LRRC69: variants seen among roughly 807,000 people sequenced by gnomAD.
LRRC69 encodes the protein leucine-rich repeat-containing protein 69.
In LRRC69, 42 loss-of-function variants were observed where a neutral mutation model predicts 37.8. The ratio of observed to expected loss-of-function variants is 1.11; its 90% CI spans 0.87 to 1.44. The LOEUF (loss-of-function observed/expected upper bound fraction) is 1.44, where lower values mean the gene tolerates loss of function less well. Among genes scored for constraint, LRRC69 ranks in the 40% most tolerant of loss-of-function variants. LRRC69 has a pLI of 0.00. For missense variants in LRRC69, 357 were observed against 401.9 expected (o/e 0.89, Z 0.96); for synonymous variants, 141 against 143.1 (o/e 0.99, Z 0.11).
intron 5 of LRRC69, among the ~76,000 whole-genome samples, chr8:91,149,111 G>T (rs1808679492): frequency 6.6e-6 from 1 of 151,692 alleles, no homozygotes; most frequent in Non-Finnish European, 1.5e-5. Flanking sequence ...GTCAATTTTG[G>T]CTTTTGTTGC....
At chr8:91,159,083 A>G (rs1353048275) in intron 5 of LRRC69, among the ~76,000 whole-genome samples, 2 of 151,252 alleles carry the variant, frequency 1.3e-5, no homozygotes, top group Non-Finnish European at 3.0e-5. Context: ...GTGCTCCTCA[A>G]AGGAACACTA....
chr8:91,124,838 G>A, intron 2 of LRRC69: 1 of 394,246 alleles, frequency 2.5e-6, no homozygotes, highest in Non-Finnish European at 4.4e-6. Context: ...GTAAGCATCA[G>A]TGTTAATGAA....
At chr8:91,106,371 A>T (rs540786813) in intron 1 of LRRC69, among the ~76,000 whole-genome samples, 1 of 152,026 alleles carries the variant, frequency 6.6e-6, no homozygotes, top group Non-Finnish European at 1.5e-5. Flanking sequence ...TTCCCACAGA[A>T]TGCAAAGTAT....
intron 6 of LRRC69, among the ~76,000 whole-genome samples, chr8:91,200,275 A>G (rs1040852928): frequency 3.9e-5 from 6 of 152,200 alleles, no homozygotes; most frequent in African/African-American, 1.4e-4. Context: ...ATGTTTGTAC[A>G]GTTTTTGCTT....
intron 5 of LRRC69, among the ~76,000 whole-genome samples, chr8:91,152,806 A>C (rs777045404): frequency 8.6e-5 from 13 of 151,224 alleles, no homozygotes; most frequent in Non-Finnish European, 1.8e-4. Flanking sequence ...TATTTCCTTG[A>C]GCAGTGGTTT....
At chr8:91,116,703 G>A (rs1813516716) in intron 1 of LRRC69, among the ~76,000 whole-genome samples, 1 of 151,932 alleles carries the variant, frequency 6.6e-6, no homozygotes, top group Non-Finnish European at 1.5e-5. Context: ...TCATAGCCTG[G>A]ACTTCAGATC....
At chr8:91,143,622 G>A (rs1233458675) in intron 5 of LRRC69, among the ~76,000 whole-genome samples, 1 of 151,940 alleles carries the variant, frequency 6.6e-6, no homozygotes, top group Non-Finnish European at 1.5e-5. Flanking sequence ...ATACAATGTT[G>A]TCATGAGAAA....
Position 91,102,847 on chromosome 8 carries a change from G to A in LRRC69, c.183+3G>A, listed in dbSNP as rs917959923. The A allele has an allele frequency of 6.5e-6, 10 of 1,540,634 alleles. No individual in the cohort carries two copies. Among genetic ancestry groups the A allele is most frequent in the Non-Finnish European group, 8.8e-6 (10 of 1,142,706 alleles). On this transcript the variant is annotated splice_donor_region_variant and intron_variant, in intron 1 of 7. Coordinates refer to ENST00000448384, the Ensembl canonical transcript of LRRC69. ...CAGAGTTATGCAACTTGACCCAGGT[G>A]AGGAACAGTGTTTTGCTGTTGTGGT... is the stretch of plus-strand genomic sequence containing the variant.
At chr8:91,155,991 G>T (rs1383626269) in intron 5 of LRRC69, among the ~76,000 whole-genome samples, 3 of 149,548 alleles carry the variant, frequency 2.0e-5, no homozygotes, top group Non-Finnish European at 4.5e-5. Flanking sequence ...GGATACTTAG[G>T]TTGACTACAT....
intron 5 of LRRC69, among the ~76,000 whole-genome samples, chr8:91,144,844 TA>T (rs1396772567): frequency 2.6e-5 from 4 of 151,980 alleles, no homozygotes; most frequent in African/African-American, 9.7e-5. Flanking sequence ...AGTACATAAA[TA>T]TTTTTTGTGC....
chr8:91,108,560 CTAGTCAGAG>C (rs1288901154), intron 1 of LRRC69, among the ~76,000 whole-genome samples: 2 of 151,962 alleles, frequency 1.3e-5, no homozygotes, highest in African/African-American at 4.8e-5. Flanking sequence ...ATGAGAGTCT[CTAGTCAGAG>C]AAGTCAGAGA....
chr8:91,189,589 T>C (rs1390274356), exon 6 of LRRC69: 1 of 1,551,430 alleles, frequency 6.4e-7, no homozygotes, highest in Non-Finnish European at 8.7e-7. Context: ...CAGCCAGTGA[T>C]TTCTACACAG....
At chr8:91,185,018 T>C (rs944726695) in intron 5 of LRRC69, among the ~76,000 whole-genome samples, 4 of 152,014 alleles carry the variant, frequency 2.6e-5, no homozygotes, top group African/African-American at 9.7e-5. Flanking sequence ...ATGATTTGCA[T>C]TGTAAAGCAA....
At chr8:91,173,183 T>C (rs1398712921) in intron 5 of LRRC69, among the ~76,000 whole-genome samples, 2 of 151,932 alleles carry the variant, frequency 1.3e-5, no homozygotes, top group Admixed American at 6.6e-5. Flanking sequence ...GAGTAGGTAG[T>C]CTAGTCCACA....
At chr8:91,161,182 T>C (rs747952723) in intron 5 of LRRC69, among the ~76,000 whole-genome samples, 1 of 151,454 alleles carries the variant, frequency 6.6e-6, no homozygotes, top group Non-Finnish European at 1.5e-5. Context: ...TGATATACTG[T>C]TGGATTCCAT....
chr8:91,176,926 C>T (rs1410295509), intron 5 of LRRC69, among the ~76,000 whole-genome samples: 1 of 151,480 alleles, frequency 6.6e-6, no homozygotes, highest in African/African-American at 2.4e-5. Flanking sequence ...GAAGTTGACA[C>T]ATAAAATTAA....
chr8:91,216,898 C>T (rs1300043179), intron 7 of LRRC69, among the ~76,000 whole-genome samples: 1 of 152,076 alleles, frequency 6.6e-6, no homozygotes, highest in Admixed American at 6.6e-5. Flanking sequence ...ATACAATGTG[C>T]ACATTCTTGA....
intron 6 of LRRC69, among the ~76,000 whole-genome samples, chr8:91,196,582 C>T (rs1046828898): frequency 1.3e-5 from 2 of 152,164 alleles, no homozygotes; most frequent in African/African-American, 4.8e-5. Context: ...CTTCTTGCTT[C>T]ATTTCATTCA....
chr8:91,108,135 T>C (rs1483449634), intron 1 of LRRC69, among the ~76,000 whole-genome samples: 2 of 152,050 alleles, frequency 1.3e-5, no homozygotes, highest in Admixed American at 1.3e-4. Flanking sequence ...GACAAAGATA[T>C]GGTCTGCCAT....
Sources: gnomAD v4.1 joint callset for allele counts (sites outside exome capture counted in the v4.1 genomes callset) on GRCh38, gnomAD v4.1.1 for gene constraint, MANE v1.5 for transcripts, NCBI Gene and HGNC (gene_info 2026-07-23, HGNC 2026-07-21) for gene names.